ACACA: variants seen among roughly 807,000 people sequenced by gnomAD.
ACACA encodes acetyl-CoA carboxylase 1.
A neutral mutation model predicts 296.1 loss-of-function variants in ACACA; 103 were observed. The ratio of observed to expected loss-of-function variants is 0.35; its 90% CI spans 0.30 to 0.41. The LOEUF is 0.41. Ranked by LOEUF, ACACA falls within the 10% of genes least tolerant of loss-of-function variation. ACACA has a pLI of 1.00. For missense variants in ACACA, 1,554 were observed against 2,989.7 expected, an observed-to-expected ratio of 0.52 and a Z score of 11.20; for synonymous variants, 953 against 1,038.6, an observed-to-expected ratio of 0.92 and a Z score of 1.58.
chr17:37,183,319 A>G (rs1363868427), intron 39 of ACACA, among the ~76,000 whole-genome samples: 1 of 152,198 alleles, frequency 6.6e-6, no homozygotes, highest in Non-Finnish European at 1.5e-5. Flanking sequence ...AATGGTACAA[A>G]TATTTTGGCA....
At chr17:37,318,391 C>T (rs1434160490) in intron 3 of ACACA, among the ~76,000 whole-genome samples, 2 of 152,188 alleles carry the variant, frequency 1.3e-5, no homozygotes, top group Non-Finnish European at 1.5e-5. Context: ...TACAGGTGCT[C>T]GCCACCACCT....
intron 41 of ACACA, among the ~76,000 whole-genome samples, chr17:37,172,442 T>C (rs1474284118): frequency 1.3e-5 from 2 of 152,180 alleles, no homozygotes; most frequent in African/African-American, 2.4e-5. Flanking sequence ...AGTAATTCCA[T>C]GGTAGGAAGA....
At chr17:37,270,333 C>T (rs1209998668) in intron 10 of ACACA, among the ~76,000 whole-genome samples, 2 of 152,154 alleles carry the variant, frequency 1.3e-5, no homozygotes, top group African/African-American at 4.8e-5. Context: ...TGGGCCTGGC[C>T]AAGCCAAGAG....
intron 43 of ACACA, among the ~76,000 whole-genome samples, chr17:37,153,900 C>T (rs1235790876): frequency 1.3e-5 from 2 of 152,066 alleles, no homozygotes; most frequent in Non-Finnish European, 2.9e-5. Flanking sequence ...AAAACATACC[C>T]TGTTTCTTTT....
chr17:37,352,797 C>T (rs957259359), intron 1 of ACACA, among the ~76,000 whole-genome samples: 30 of 151,960 alleles, frequency 2.0e-4, no homozygotes, highest in Admixed American at 5.2e-4. Flanking sequence ...TCAAGTCCTA[C>T]GGATGTGTTA....
chr17:37,189,045 G>C (rs904271918), intron 38 of ACACA, among the ~76,000 whole-genome samples: 16 of 152,162 alleles, frequency 1.1e-4, no homozygotes, highest in African/African-American at 3.6e-4. Flanking sequence ...TCTAAACAGA[G>C]CTCTGAAGCT....
intron 5 of ACACA, among the ~76,000 whole-genome samples, chr17:37,280,900 G>A (rs1313778024): frequency 6.6e-6 from 1 of 152,060 alleles, no homozygotes; most frequent in Admixed American, 6.6e-5. Flanking sequence ...ACATCTTGTA[G>A]CCATCCGTAA....
chr17:37,276,187 A>G lies in ACACA; in HGVS notation c.803-138T>C, dbSNP rs1023012754. On this transcript the variant is annotated intron_variant, in intron 7 of 55. Transcript: ENST00000616317. Reference sequence around the variant, plus strand: ...CCCTCACATATCAAGGAGATCATAAATTATGGGGACTATTATGCTTTGACT... The same window carrying G: ...CCCTCACATATCAAGGAGATCATAAGTTATGGGGACTATTATGCTTTGACT... 6 of 706,582 alleles carry G rather than the reference A, an allele frequency of 8.5e-6. 1 individual carries two copies. The highest frequency in any genetic ancestry group is 2.1e-5 in the Admixed American group (1 of 48,332). The allele number at this position is 706,582 out of a possible 1,614,324, so 43.8% of individuals were successfully genotyped here.
Position 37,085,301 on chromosome 17 carries a change from G to C in ACACA, c.*2015C>G. On this transcript the variant is annotated 3_prime_UTR_variant, in exon 56 of 56. Transcript: ENST00000616317. ...ACCTACAGTAAGGAGCTCTGGGGAT[G>C]GGGGAGGAGGCATTACAGGGTTCTA... 3.9e-6 allele frequency: 1 copy of C among 255,116 alleles called. No individual in the cohort carries two copies. The highest frequency in any genetic ancestry group is 7.4e-6 in the Non-Finnish European group (1 of 135,726). 15.8% of individuals were successfully genotyped at this position (255,116 alleles called of 1,614,324 possible).
intron 1 of ACACA, among the ~76,000 whole-genome samples, chr17:37,349,057 T>TTTA (rs995252258): frequency 6.7e-6 from 1 of 150,218 alleles, no homozygotes; most frequent in African/African-American, 2.5e-5. Flanking sequence ...TTCTTTATTA[T>TTTA]TTATTATTAT....
At chr17:37,330,022 T>A in intron 3 of ACACA, 151 bp downstream of exon 3, 2 of 971,222 alleles carry the variant, frequency 2.1e-6, no homozygotes, top group South Asian at 2.9e-5. Flanking sequence ...GAAAAATACA[T>A]CATTTCTGAC....
intron 3 of ACACA, among the ~76,000 whole-genome samples, chr17:37,294,288 A>G (rs2083222568): frequency 6.6e-6 from 1 of 152,200 alleles, no homozygotes; most frequent in Admixed American, 6.5e-5. Context: ...TTCTAGTTTT[A>G]TTTTACTAAT....
At chr17:37,283,084 T>C (rs1248701826) in intron 5 of ACACA, among the ~76,000 whole-genome samples, 183 bp downstream of exon 5, 1 of 152,234 alleles carries the variant, frequency 6.6e-6, no homozygotes, top group East Asian at 1.9e-4. Flanking sequence ...TGAGGTTGAC[T>C]ATAGTGCAAT....
At chr17:37,284,732 C>A (rs1212068511) in intron 4 of ACACA, 106 bp downstream of exon 4, 4 of 1,490,834 alleles carry the variant, frequency 2.7e-6, no homozygotes, top group Non-Finnish European at 3.7e-6. Context: ...GAGGCAAAGC[C>A]TCTGAGAAAC....
chr17:37,153,455 T>C (rs1233485910), intron 43 of ACACA, among the ~76,000 whole-genome samples: 1 of 152,212 alleles, frequency 6.6e-6, no homozygotes, highest in Non-Finnish European at 1.5e-5. Context: ...AGTTTAACGT[T>C]AGAATGGTGC....
intron 25 of ACACA, among the ~76,000 whole-genome samples, chr17:37,233,137 G>T (rs2079941221): frequency 6.6e-6 from 1 of 152,166 alleles, no homozygotes; most frequent in South Asian, 2.1e-4. Context: ...TCTCTGACAG[G>T]GCCCAACGCC....
chr17:37,242,657 T>C (rs1407730463), intron 22 of ACACA, among the ~76,000 whole-genome samples: 3 of 152,086 alleles, frequency 2.0e-5, no homozygotes, highest in African/African-American at 2.4e-5. Context: ...ATTGGGCCTA[T>C]GGGGTCAAGG....
chr17:37,095,426 T>TA (rs895695860), intron 54 of ACACA, among the ~76,000 whole-genome samples: 6 of 151,994 alleles, frequency 3.9e-5, no homozygotes, highest in South Asian at 2.1e-4. Flanking sequence ...TTTTCAGTCA[T>TA]AAAAAAAATG....
rs776311069 is a variant in ACACA at position 37,299,342 on chromosome 17, G to C, written c.339-14372C>G. 4 of 1,613,724 alleles carry C rather than the reference G, an allele frequency of 2.5e-6. No homozygotes were observed. In the Admixed American group the frequency reaches 5.0e-5, roughly 20 times the overall value. ...CTGGAGAACCCTCCATATCAAGATGGGAAAAGAATGGAAGCTTTTTCTTCA... is the reference window on the plus strand; with the variant it reads ...CTGGAGAACCCTCCATATCAAGATGCGAAAAGAATGGAAGCTTTTTCTTCA... On this transcript the variant is annotated intron_variant, in intron 3 of 55. Transcript: ENST00000616317.
Sources: gnomAD v4.1 joint callset for allele counts (sites outside exome capture counted in the v4.1 genomes callset) on GRCh38, gnomAD v4.1.1 for gene constraint, MANE v1.5 for transcripts, NCBI Gene and HGNC (gene_info 2026-07-23, HGNC 2026-07-21) for gene names.